FAR2: variants seen among roughly 807,000 people sequenced by gnomAD.
The protein encoded by FAR2 is fatty acyl-CoA reductase 2, also known as epididymis secretory protein Li 81.
FAR2 carries 19 observed loss-of-function variants against 56.0 expected under a neutral mutation model. The observed-to-expected ratio is 0.34, with a 90% CI of 0.24 to 0.50. The LOEUF (loss-of-function observed/expected upper bound fraction) is 0.50, where lower values mean the gene tolerates loss of function less well. Ranked by LOEUF, FAR2 falls within the 20% of genes least tolerant of loss-of-function variation. The probability of loss-of-function intolerance (pLI) is 0.98; values close to 1 mark genes in which losing one functional copy is unlikely to be tolerated. For synonymous variants in FAR2, 219 were observed against 218.8 expected (o/e 1.00, Z -0.01); for missense variants, 508 against 642.2 (o/e 0.79, Z 2.26).
chr12:29,203,687 A>G (rs1159890685), intron 1 of FAR2, among the ~76,000 whole-genome samples: 1 of 152,178 alleles, frequency 6.6e-6, no homozygotes, highest in African/African-American at 2.4e-5. Flanking sequence ...CATAAATGGT[A>G]GAAGATTCTC....
intron 1 of FAR2, among the ~76,000 whole-genome samples, chr12:29,260,779 G>A (rs1462815656): frequency 6.6e-6 from 1 of 152,162 alleles, no homozygotes; most frequent in African/African-American, 2.4e-5. Flanking sequence ...CACCCTGAAG[G>A]GAGACAGGCT....
chr12:29,308,112 G>C (rs1402282819), intron 5 of FAR2: 1 of 276,980 alleles, frequency 3.6e-6, no homozygotes, highest in African/African-American at 2.2e-5. Flanking sequence ...ATGGGTGATG[G>C]TTTCATATCT....
At chr12:29,205,704 C>T (rs1242222350) in intron 1 of FAR2, among the ~76,000 whole-genome samples, 4 of 152,162 alleles carry the variant, frequency 2.6e-5, no homozygotes, top group Non-Finnish European at 5.9e-5. Flanking sequence ...CAAGAAGCAT[C>T]CTTGATGTCT....
intron 1 of FAR2, among the ~76,000 whole-genome samples, chr12:29,261,157 A>G (rs1247297747): frequency 6.6e-6 from 1 of 152,208 alleles, no homozygotes; most frequent in Admixed American, 6.5e-5. Flanking sequence ...AACGAACTAA[A>G]TAAGGCACCA....
Position 29,311,962 on chromosome 12 carries a change from A to T in FAR2, c.955+12A>T, listed in dbSNP as rs1350256988. On this transcript the variant is annotated intron_variant, in intron 8 of 11. Transcript: ENST00000536681. ...TTGGCACAAAATGGGTAAGTACTTT[A>T]GCTATGTAACTCTATAATTACTAGT... 6.3e-7 allele frequency: 1 copy of T among 1,594,408 alleles called. No homozygotes were observed. The highest frequency in any genetic ancestry group is 1.7e-5 in the Admixed American group (1 of 59,240).
chr12:29,233,692 TTCA>T (rs1373729119), intron 1 of FAR2, among the ~76,000 whole-genome samples: 3 of 152,236 alleles, frequency 2.0e-5, no homozygotes, highest in Non-Finnish European at 4.4e-5. Context: ...GAGCCTATTC[TTCA>T]TTATTAATTT....
chr12:29,205,229 A>G (rs1947465828), intron 1 of FAR2, among the ~76,000 whole-genome samples: 1 of 152,198 alleles, frequency 6.6e-6, no homozygotes, highest in African/African-American at 2.4e-5. Flanking sequence ...GTGTCCAGGA[A>G]ATAGTACTTG....
chr12:29,261,601 G>T (rs2136693492), intron 1 of FAR2, among the ~76,000 whole-genome samples: 1 of 152,246 alleles, frequency 6.6e-6, no homozygotes, highest in South Asian at 2.1e-4. Flanking sequence ...TTAGCCCAAA[G>T]AAGATTATCT....
At position 29,308,707 on chromosome 12, in the gene FAR2, C is replaced by CATAT. The variant is rs1253144255; in HGVS notation, c.724-478_724-477insTATA. Among the ~76,000 whole-genome samples the CATAT allele has an allele frequency of 8.5e-3, 1,167 of 136,906 alleles. 31 individuals carry two copies. The highest frequency in any genetic ancestry group is 0.067 in the East Asian group (309 of 4,616). 89.8% of individuals were successfully genotyped at this position (136,906 alleles called of 152,430 possible). On this transcript the variant is annotated intron_variant, in intron 5 of 11. Coordinates refer to ENST00000536681, the MANE Select transcript of FAR2 (RefSeq NM_001271783.2). ...ACACACAGACACACACACACACACACACACACACACACATATATATATATA... is the reference window on the plus strand; with the variant it reads ...ACACACAGACACACACACACACACACATATACACACACACACATATATATATATA...
chr12:29,319,503 A>AT (rs1466742766), intron 9 of FAR2, among the ~76,000 whole-genome samples: 3 of 151,760 alleles, frequency 2.0e-5, no homozygotes, highest in Non-Finnish European at 4.4e-5. Flanking sequence ...CTATTTTCCT[A>AT]TTGGGTTGTC....
At chr12:29,276,659 T>A (rs1285162774) in intron 2 of FAR2, among the ~76,000 whole-genome samples, 1 of 152,222 alleles carries the variant, frequency 6.6e-6, no homozygotes, top group Non-Finnish European at 1.5e-5. Flanking sequence ...GATAAAGCTC[T>A]GTGCAAATAA....
At chr12:29,299,241 A>G (rs1380919405) in intron 4 of FAR2, among the ~76,000 whole-genome samples, 2 of 151,576 alleles carry the variant, frequency 1.3e-5, no homozygotes, top group Non-Finnish European at 2.9e-5. Context: ...AAAAAGAAAG[A>G]AAAAGAAAAG....
At chr12:29,252,310 TTC>T (rs1948227181) in intron 1 of FAR2, among the ~76,000 whole-genome samples, 1 of 152,156 alleles carries the variant, frequency 6.6e-6, no homozygotes, top group African/African-American at 2.4e-5. Flanking sequence ...GGCCAGACCT[TTC>T]AGGAATGAAG....
intron 1 of FAR2, among the ~76,000 whole-genome samples, chr12:29,175,962 A>C (rs1382049172): frequency 6.6e-6 from 1 of 152,236 alleles, no homozygotes; most frequent in African/African-American, 2.4e-5. Flanking sequence ...AAATTGAAAA[A>C]TAAAGCAAAA....
intron 1 of FAR2, among the ~76,000 whole-genome samples, chr12:29,175,914 C>T (rs1180052183): frequency 6.6e-6 from 1 of 152,218 alleles, no homozygotes; most frequent in African/African-American, 2.4e-5. Context: ...GGAAGTCCAG[C>T]TGGCTTCATC....
intron 1 of FAR2, among the ~76,000 whole-genome samples, chr12:29,198,378 G>A (rs1009641195): frequency 6.6e-6 from 1 of 152,052 alleles, no homozygotes; most frequent in Non-Finnish European, 1.5e-5. Flanking sequence ...ACAGGCACCT[G>A]CCACCATGCC....
intron 2 of FAR2, among the ~76,000 whole-genome samples, chr12:29,288,829 A>C (rs752100948): frequency 1.3e-5 from 2 of 152,214 alleles, no homozygotes; most frequent in Non-Finnish European, 2.9e-5. Context: ...ATTAATTTTA[A>C]TTCAATAAGC....
At chr12:29,277,467 G>A (rs1007843992) in intron 2 of FAR2, 1 of 152,080 alleles carries the variant, frequency 6.6e-6, no homozygotes, top group African/African-American at 2.4e-5. Context: ...TGGGGAACAG[G>A]GGCAATAAAG....
At chr12:29,255,174 G>C (rs1431741573) in intron 1 of FAR2, among the ~76,000 whole-genome samples, 2 of 151,930 alleles carry the variant, frequency 1.3e-5, no homozygotes, top group Non-Finnish European at 2.9e-5. Context: ...TAGAATTCAA[G>C]ATCAAGGTGG....
Sources: gnomAD v4.1 joint callset for allele counts (sites outside exome capture counted in the v4.1 genomes callset) on GRCh38, gnomAD v4.1.1 for gene constraint, MANE v1.5 for transcripts, NCBI Gene and HGNC (gene_info 2026-07-23, HGNC 2026-07-21) for gene names.